The following NTRK2 variants were observed in gnomAD, a reference collection of about 807,000 sequenced individuals.
NTRK2 encodes the protein BDNF/NT-3 growth factors receptor.
NTRK2 carries 13 observed loss-of-function variants against 94.5 expected under a neutral mutation model. The ratio of observed to expected loss-of-function variants is 0.14; its 90% CI spans 0.09 to 0.22. NTRK2 has a LOEUF of 0.22. Among genes scored for constraint, NTRK2 ranks in the 10% least tolerant of loss-of-function variants. The probability of loss-of-function intolerance (pLI) is 1.00; values close to 1 mark genes in which losing one functional copy is unlikely to be tolerated. For synonymous variants in NTRK2, 372 were observed against 407.4 expected (o/e 0.91, Z 1.05); for missense variants, 639 against 1,071.2 (o/e 0.60, Z 5.63).
intron 14 of NTRK2, chr9:84,876,457 G>A (rs2076071456): frequency 1.9e-6 from 2 of 1,055,136 alleles, no homozygotes; most frequent in South Asian, 4.6e-5. Flanking sequence ...GTTTACTTTT[G>A]CAAGTCATTT....
At position 84,916,556 on chromosome 9, in the gene NTRK2, A is replaced by G. The variant is rs185166896; in HGVS notation, c.1634-17606A>G. Among the ~76,000 whole-genome samples, 5 of 152,306 alleles carry G rather than the reference A, an allele frequency of 3.3e-5. No homozygotes were observed. The East Asian group carries it at 9.7e-4, about 29-fold the overall frequency. On this transcript the variant is annotated intron_variant, in intron 14 of 18. Coordinates refer to ENST00000277120, the MANE Select transcript of NTRK2 (RefSeq NM_006180.6). Reference sequence around the variant, plus strand: ...CATCTGTTTTCCAGCTCAGGCGGGAAGCTCATTCCAGGCACACAGGACATC... The same window carrying G: ...CATCTGTTTTCCAGCTCAGGCGGGAGGCTCATTCCAGGCACACAGGACATC...
At chr9:84,945,773 C>A (rs1489531047) in intron 15 of NTRK2, among the ~76,000 whole-genome samples, 1 of 152,166 alleles carries the variant, frequency 6.6e-6, no homozygotes, top group African/African-American at 2.4e-5. Context: ...GGCAACAGCC[C>A]CATCGAAGCT....
intron 12 of NTRK2, among the ~76,000 whole-genome samples, chr9:84,790,679 A>T (rs985322075): frequency 6.6e-6 from 1 of 152,054 alleles, no homozygotes; most frequent in Non-Finnish European, 1.5e-5. Context: ...GTACAGGGAG[A>T]TATGGTTTTA....
chr9:84,839,716 G>A (rs2131765383), intron 12 of NTRK2, among the ~76,000 whole-genome samples: 1 of 152,338 alleles, frequency 6.6e-6, no homozygotes, highest in South Asian at 2.1e-4. Flanking sequence ...AGGCCCCAGC[G>A]TGCCTGTGGG....
intron 2 of NTRK2, among the ~76,000 whole-genome samples, chr9:84,678,689 G>A (rs1237175665): frequency 1.3e-5 from 2 of 151,930 alleles, no homozygotes; most frequent in African/African-American, 4.8e-5. Flanking sequence ...GGTAAGGTGT[G>A]ACAAAAAAAC....
chr9:84,787,115 T>C (rs574446743), intron 12 of NTRK2, among the ~76,000 whole-genome samples: 1 of 152,078 alleles, frequency 6.6e-6, no homozygotes, highest in South Asian at 2.1e-4. Context: ...CTGACCAACA[T>C]GGTGAAACCC....
intron 14 of NTRK2, among the ~76,000 whole-genome samples, chr9:84,881,878 T>A (rs1453478993): frequency 6.6e-6 from 1 of 152,234 alleles, no homozygotes; most frequent in Non-Finnish European, 1.5e-5. Flanking sequence ...ATGCTAAAGC[T>A]TTATGTTTTG....
chr9:84,933,981 A>G (rs2078127919), intron 14 of NTRK2, among the ~76,000 whole-genome samples, 181 bp from the exon 15 acceptor site: 1 of 152,180 alleles, frequency 6.6e-6, no homozygotes, highest in Admixed American at 6.5e-5. Context: ...AAAGGTGATG[A>G]AACCTCCGCC....
chr9:84,801,656 C>T (rs925134087), intron 12 of NTRK2, among the ~76,000 whole-genome samples: 3 of 152,088 alleles, frequency 2.0e-5, no homozygotes, highest in Admixed American at 6.6e-5. Flanking sequence ...TTAAGGCAGG[C>T]CAGGCTATGC....
At position 84,955,353 on chromosome 9, in the gene NTRK2, C is replaced by A. The variant is rs1823987612; in HGVS notation, c.2008C>A (p.Leu670Met). 2 of 1,613,396 alleles carry A rather than the reference C, an allele frequency of 1.2e-6. No individual in the cohort carries two copies. Among genetic ancestry groups the A allele is most frequent in the South Asian group, 2.2e-5 (2 of 90,938 alleles). Residue 670 changes from leucine (L) to methionine (M), a missense_variant, in exon 17 of 19, where the codon CTG becomes ATG. Leu to Met is a conservative substitution (Grantham distance 15). This residue lies in a region of NTRK2 where 343 missense variants were observed against 571.5 expected (regional missense o/e 0.60). Coordinates refer to ENST00000277120, the MANE Select transcript of NTRK2 (RefSeq NM_006180.6). ...PPTELTQSQM[L>M]HIAQQIAAGM... ...CACGGAACTGACGCAGTCGCAGATG[C>A]TGCATATAGCCCAGCAGATCGCCGC...
chr9:84,892,065 C>T (rs1264122284), intron 14 of NTRK2, among the ~76,000 whole-genome samples: 3 of 152,088 alleles, frequency 2.0e-5, no homozygotes, highest in Non-Finnish European at 2.9e-5. Context: ...CAATCAGTAA[C>T]AAGGATACTT....
intron 6 of NTRK2, among the ~76,000 whole-genome samples, chr9:84,712,900 T>C (rs1182406749): frequency 6.6e-6 from 1 of 152,194 alleles, no homozygotes; most frequent in Non-Finnish European, 1.5e-5. Flanking sequence ...TTATTTTCCA[T>C]TTTTTCAATA....
chr9:84,871,646 G>C (rs916042613), intron 14 of NTRK2: 2 of 778,794 alleles, frequency 2.6e-6, no homozygotes, highest in Non-Finnish European at 4.7e-6. Context: ...TATATCCCTT[G>C]AAGTATGTTT....
intron 14 of NTRK2, among the ~76,000 whole-genome samples, chr9:84,910,595 C>A (rs960293927): frequency 6.6e-6 from 1 of 152,064 alleles, no homozygotes; most frequent in South Asian, 2.1e-4. Context: ...CAAATAAGGT[C>A]CCAATCTGAG....
chr9:85,011,567 C>G (rs1347359368), intron 17 of NTRK2, among the ~76,000 whole-genome samples: 1 of 152,154 alleles, frequency 6.6e-6, no homozygotes, highest in African/African-American at 2.4e-5. Context: ...TGTGACTTCC[C>G]TCCATGTGAG....
intron 17 of NTRK2, among the ~76,000 whole-genome samples, chr9:84,999,961 A>G (rs1176017346): frequency 6.6e-6 from 1 of 152,208 alleles, no homozygotes; most frequent in East Asian, 1.9e-4. Flanking sequence ...CGAGGAGAGG[A>G]CAGGGCTGGC....
At chr9:84,911,720 T>A (rs1056179624) in intron 14 of NTRK2, among the ~76,000 whole-genome samples, 1 of 152,142 alleles carries the variant, frequency 6.6e-6, no homozygotes, top group Non-Finnish European at 1.5e-5. Context: ...CTTGGTTTAG[T>A]GTTTTCCTCT....
At chr9:84,953,344 A>G (rs1375148510) in intron 16 of NTRK2, among the ~76,000 whole-genome samples, 1 of 152,258 alleles carries the variant, frequency 6.6e-6, no homozygotes, top group Non-Finnish European at 1.5e-5. Flanking sequence ...AAGGCCACGA[A>G]GCACTATGCA....
chr9:85,016,606 A>C (rs1832254665), intron 17 of NTRK2, among the ~76,000 whole-genome samples: 1 of 152,242 alleles, frequency 6.6e-6, no homozygotes, highest in African/African-American at 2.4e-5. Context: ...GTGTGGTCCA[A>C]AAACCATCAA....
Sources: allele counts gnomAD v4.1 joint callset (sites outside exome capture counted in the v4.1 genomes callset), GRCh38; gene constraint gnomAD v4.1.1; regional missense constraint gnomAD v4.1.1; transcripts MANE v1.5; gene names NCBI Gene and HGNC (gene_info 2026-07-23, HGNC 2026-07-21).